The following SLC22A23 variants were observed in gnomAD, a reference collection of about 807,000 sequenced individuals.
SLC22A23 encodes the protein solute carrier family 22 member 23.
In SLC22A23, 26 loss-of-function variants were observed where a neutral mutation model predicts 61.0. The observed-to-expected ratio is 0.43, with a 90% CI of 0.31 to 0.59. The LOEUF (loss-of-function observed/expected upper bound fraction) is 0.59. Among genes scored for constraint, SLC22A23 ranks in the 20% least tolerant of loss-of-function variants. The pLI is 0.11. For missense variants in SLC22A23, 796 were observed against 934.7 expected, an observed-to-expected ratio of 0.85 and a Z score of 1.94; for synonymous variants, 430 against 413.9, an observed-to-expected ratio of 1.04 and a Z score of -0.47.
intron 1 of SLC22A23, among the ~76,000 whole-genome samples, chr6:3,455,584 C>T (rs2127562092): frequency 6.6e-6 from 1 of 152,332 alleles, no homozygotes; most frequent in East Asian, 1.9e-4. Flanking sequence ...CCCCAGCAGA[C>T]CTTGAACGAC....
chr6:3,347,517 C>A (rs540720029), intron 3 of SLC22A23, among the ~76,000 whole-genome samples: 32 of 152,042 alleles, frequency 2.1e-4, no homozygotes, highest in African/African-American at 7.5e-4. Flanking sequence ...GGAGGCAGGG[C>A]CCAGCCATGC....
chr6:3,323,418 C>T, intron 4 of SLC22A23: 1 of 450,024 alleles, frequency 2.2e-6, no homozygotes, highest in Non-Finnish European at 4.4e-6. Flanking sequence ...TTGCCCACCC[C>T]TCGCCTAGAA....
chr6:3,315,060 G>A (rs1478870614), intron 4 of SLC22A23, among the ~76,000 whole-genome samples: 1 of 151,958 alleles, frequency 6.6e-6, no homozygotes, highest in Non-Finnish European at 1.5e-5. Flanking sequence ...AGCCTTTTGC[G>A]TTTCTATCTC....
At chr6:3,380,075 G>T (rs1766861352) in intron 3 of SLC22A23, among the ~76,000 whole-genome samples, 1 of 152,146 alleles carries the variant, frequency 6.6e-6, no homozygotes, top group Admixed American at 6.5e-5. Flanking sequence ...GAAGAGTACA[G>T]AAATCCCAAA....
At chr6:3,288,520 GC>G (rs538291081) in intron 6 of SLC22A23, among the ~76,000 whole-genome samples, 180 of 152,334 alleles carry the variant, frequency 1.2e-3, no homozygotes, top group Admixed American at 2.7e-3. Context: ...TGCTGAGATA[GC>G]AGGGCAATCT....
chr6:3,356,537 T>C (rs1041913820), intron 3 of SLC22A23, among the ~76,000 whole-genome samples: 1 of 152,154 alleles, frequency 6.6e-6, no homozygotes, highest in Non-Finnish European at 1.5e-5. Flanking sequence ...CGCTGGCTGC[T>C]TCATTGTCCT....
chr6:3,387,710 A>T lies in SLC22A23; in HGVS notation c.913+22478T>A, dbSNP rs2057077522. 6.6e-6 allele frequency among the ~76,000 whole-genome samples: 1 copy of T among 152,220 alleles called. No individual in the cohort carries two copies. Among genetic ancestry groups the T allele is most frequent in the Non-Finnish European group, 1.5e-5 (1 of 68,046 alleles). ...CCTCTGTAAGTCTAAAATTATTTTA[A>T]CTGTACTGCTTTTGCCACTCCTCTA... On this transcript the variant is annotated intron_variant, in intron 3 of 9. Transcript: ENST00000406686. This position sits in a 1 kb window ranked among gnomAD's most constrained non-coding sequence, Gnocchi z 5.0.
chr6:3,332,280 CAG>C (rs1763624194), intron 3 of SLC22A23, among the ~76,000 whole-genome samples: 2 of 152,292 alleles, frequency 1.3e-5, no homozygotes, highest in South Asian at 2.1e-4. Flanking sequence ...ATCAGGGAAT[CAG>C]GGGCTGGGCG....
chr6:3,295,500 G>A (rs1761007752), intron 5 of SLC22A23, among the ~76,000 whole-genome samples: 1 of 152,198 alleles, frequency 6.6e-6, no homozygotes, highest in Non-Finnish European at 1.5e-5. Context: ...TGAAGCCGGT[G>A]GTGATGTGAT....
At position 3,272,954 on chromosome 6, in the gene SLC22A23, T is replaced by C. The variant is rs890136391; in HGVS notation, c.*101A>G. 1 of 1,104,798 alleles carries C rather than the reference T, an allele frequency of 9.1e-7. No homozygotes were observed. Among genetic ancestry groups the C allele is most frequent in the South Asian group, 1.6e-5 (1 of 64,112 alleles). The allele number at this position is 1,104,798 out of a possible 1,614,324, so 68.4% of individuals were successfully genotyped here. A position where few individuals can be genotyped will look rare whatever the true frequency, so the allele number is the denominator to read the frequency against. On this transcript the variant is annotated 3_prime_UTR_variant, in exon 10 of 10. Transcript: ENST00000406686. ...CACCAGTTGAGAGGCTCAGCTTGGC[T>C]GAGGCAGCTTTCCCACCCCTGGCTG...
chr6:3,393,921 A>G (rs948981245), intron 3 of SLC22A23, among the ~76,000 whole-genome samples: 2 of 152,012 alleles, frequency 1.3e-5, no homozygotes, highest in African/African-American at 2.4e-5. Flanking sequence ...CTCTCCCTGC[A>G]CTCCACACAG....
At chr6:3,392,318 A>C (rs1394728399) in intron 3 of SLC22A23, among the ~76,000 whole-genome samples, 1 of 152,258 alleles carries the variant, frequency 6.6e-6, no homozygotes, top group African/African-American at 2.4e-5. Context: ...GGACTGCCAC[A>C]GCAGCCCAGG....
intron 9 of SLC22A23, chr6:3,282,275 A>G: frequency 2.8e-6 from 2 of 702,604 alleles, no homozygotes; most frequent in East Asian, 5.4e-5. Flanking sequence ...GTATCCTGCA[A>G]CTGCAAGCAC....
intron 1 of SLC22A23, among the ~76,000 whole-genome samples, chr6:3,451,167 T>G (rs1432358924): frequency 6.6e-6 from 1 of 152,212 alleles, no homozygotes; most frequent in African/African-American, 2.4e-5. Flanking sequence ...AACCAACAGA[T>G]TCAGTCAGAA....
At chr6:3,446,388 T>C (rs1264307018) in intron 1 of SLC22A23, among the ~76,000 whole-genome samples, 1 of 152,198 alleles carries the variant, frequency 6.6e-6, no homozygotes, top group East Asian at 1.9e-4. Flanking sequence ...AGGACAATCT[T>C]TTACCTAGAC....
In SLC22A23 at chr6:3,297,088, T is replaced by C. The variant is rs965228507; in HGVS notation, c.1210+1003A>G. Among the ~76,000 whole-genome samples the C allele has an allele frequency of 2.0e-5, 3 of 152,242 alleles. No individual in the cohort carries two copies. Among genetic ancestry groups the C allele is most frequent in the South Asian group, 2.1e-4 (1 of 4,830 alleles). The stretch of plus-strand genomic sequence containing the variant: ...TTTCATCCCTCCTGACGTATGCACG[T>C]GTAACTTCCCTGTCTGTGTGCCCCA... On this transcript the variant is annotated intron_variant, in intron 5 of 9. Transcript: ENST00000406686. This position sits in a 1 kb window ranked among gnomAD's most constrained non-coding sequence, Gnocchi z 4.3.
intron 1 of SLC22A23, among the ~76,000 whole-genome samples, chr6:3,446,166 G>A (rs1030844613): frequency 4.6e-5 from 7 of 152,178 alleles, no homozygotes; most frequent in East Asian, 1.9e-4. Context: ...AAAGGCCAGC[G>A]CCAGGGAGAA....
chr6:3,359,861 C>T (rs1302856681), intron 3 of SLC22A23, among the ~76,000 whole-genome samples: 2 of 152,172 alleles, frequency 1.3e-5, no homozygotes, highest in Admixed American at 1.3e-4. Flanking sequence ...AAATATAACT[C>T]AGCCTTAAAA....
chr6:3,374,621 GAGAA>G (rs1766442691), intron 3 of SLC22A23, among the ~76,000 whole-genome samples: 1 of 152,194 alleles, frequency 6.6e-6, no homozygotes, highest in South Asian at 2.1e-4. Flanking sequence ...GGTAGCCAGT[GAGAA>G]AGAAAGTGAC....
Sources: gnomAD v4.1 joint callset for allele counts (sites outside exome capture counted in the v4.1 genomes callset) on GRCh38, gnomAD v4.1.1 for gene constraint, Gnocchi (gnomAD v3.1) non-coding constraint, MANE v1.5 for transcripts, NCBI Gene and HGNC (gene_info 2026-07-23, HGNC 2026-07-21) for gene names.